Variants in SCRG1 observed in about 807,000 individuals in gnomAD.
SCRG1 encodes the protein scrapie-responsive protein 1.
In SCRG1, 3 loss-of-function variants were observed where a neutral mutation model predicts 7.7. The observed-to-expected ratio is 0.39, with a 90% CI of 0.18 to 1.01. SCRG1 has a LOEUF of 1.01. Among genes scored for constraint, SCRG1 ranks in the 50% least tolerant of loss-of-function variants. The pLI is 0.36. For missense variants in SCRG1, 110 were observed against 117.2 expected (o/e 0.94, Z 0.28); for synonymous variants, 46 against 41.2 (o/e 1.12, Z -0.44).
the SCRG1 span, among the ~76,000 whole-genome samples, chr4:173,435,032 C>T: frequency 5.9e-5 from 9 of 151,710 alleles, no homozygotes; most frequent in South Asian, 4.2e-4. Flanking sequence ...CCACCTTATG[C>T]GATCAAAGAA....
At chr4:173,483,830 TAA>T in the SCRG1 span, among the ~76,000 whole-genome samples, 9 of 90,468 alleles carry the variant, frequency 9.9e-5, 3 homozygotes, top group East Asian at 3.4e-4. Context: ...ATAATATATA[TAA>T]TATATAATAT....
rs1332149815 is a variant in SCRG1, at chr4:173,384,790, C to T, written c.*3551G>A. 6.6e-6 allele frequency: 1 copy of T among 152,150 alleles called. No individual in the cohort carries two copies. The highest frequency in any genetic ancestry group is 1.5e-5 in the Non-Finnish European group (1 of 68,018). 9.4% of individuals were successfully genotyped at this position (152,150 alleles called of 1,614,324 possible). On this transcript the variant is annotated 3_prime_UTR_variant, in exon 3 of 3. Coordinates refer to ENST00000296506, the MANE Select transcript of SCRG1 (RefSeq NM_007281.4). ...ACTTTGTGCTCAGTAACGTGGGATT[C>T]ACAGTAAGAACAATGATATAGAAAG...
chr4:173,420,950 T>TG, the SCRG1 span, among the ~76,000 whole-genome samples: 76 of 152,250 alleles, frequency 5.0e-4, no homozygotes, highest in African/African-American at 1.8e-3. Flanking sequence ...TGATAAAGCC[T>TG]GTTAATACCA....
the SCRG1 span, among the ~76,000 whole-genome samples, chr4:173,457,260 T>C: frequency 3.3e-5 from 5 of 152,314 alleles, no homozygotes; most frequent in East Asian, 9.7e-4. Flanking sequence ...TTTAGGAATC[T>C]TGTGGGAAAA....
chr4:173,414,250 T>C, the SCRG1 span, among the ~76,000 whole-genome samples: 1 of 152,244 alleles, frequency 6.6e-6, no homozygotes, highest in African/African-American at 2.4e-5. Flanking sequence ...CCCTGACATC[T>C]GTGCCTGTTT....
chr4:173,394,911 T>C (rs1739557436), intron 1 of SCRG1, among the ~76,000 whole-genome samples: 1 of 152,242 alleles, frequency 6.6e-6, no homozygotes, highest in Non-Finnish European at 1.5e-5. Flanking sequence ...TATATACACT[T>C]ATCTTTATCA....
upstream of SCRG1, among the ~76,000 whole-genome samples, chr4:173,411,127 A>G (rs191786738): frequency 6.6e-6 from 1 of 152,296 alleles, no homozygotes. Flanking sequence ...TGGCTACATG[A>G]GAGTAGAGAT....
the SCRG1 span, among the ~76,000 whole-genome samples, chr4:173,503,273 G>A: frequency 5.9e-5 from 9 of 152,310 alleles, no homozygotes; most frequent in South Asian, 1.0e-3. This position sits in a 1 kb window ranked among gnomAD's most constrained non-coding sequence, Gnocchi z 6.4. Context: ...CTTGGGATCC[G>A]GCCAGCTTCA....
the SCRG1 span, among the ~76,000 whole-genome samples, chr4:173,518,726 C>A: frequency 2.0e-5 from 3 of 152,292 alleles, no homozygotes; most frequent in African/African-American, 7.2e-5. Flanking sequence ...TCCACTTTGC[C>A]GTTCGAAAAT....
intron 1 of SCRG1, among the ~76,000 whole-genome samples, chr4:173,395,222 TTA>T (rs1220829881): frequency 1.3e-5 from 2 of 152,246 alleles, no homozygotes; most frequent in African/African-American, 4.8e-5. Context: ...TTTACTCATT[TTA>T]TGTCTGTCAT....
At chr4:173,451,106 A>C in the SCRG1 span, among the ~76,000 whole-genome samples, 1 of 152,012 alleles carries the variant, frequency 6.6e-6, no homozygotes, top group African/African-American at 2.4e-5. Flanking sequence ...AATCAGCTTT[A>C]AGCTCTCTTT....
chr4:173,509,025 G>T, the SCRG1 span, among the ~76,000 whole-genome samples: 2 of 152,208 alleles, frequency 1.3e-5, no homozygotes, highest in Non-Finnish European at 2.9e-5. This position sits in a 1 kb window ranked among gnomAD's most constrained non-coding sequence, Gnocchi z 5.7. Flanking sequence ...CCGGGTGGTG[G>T]TACGGCTGGT....
chr4:173,438,759 T>G, the SCRG1 span, among the ~76,000 whole-genome samples: 1 of 152,096 alleles, frequency 6.6e-6, no homozygotes. Context: ...CTATTGCTTT[T>G]GGGACTTAAT....
the SCRG1 span, among the ~76,000 whole-genome samples, chr4:173,477,760 TTC>T: frequency 2.1e-5 from 3 of 142,080 alleles, no homozygotes; most frequent in Admixed American, 7.0e-5. Context: ...CCTTCCTTCC[TTC>T]CTTCCTTCTT....
the SCRG1 span, among the ~76,000 whole-genome samples, chr4:173,425,207 A>T: frequency 6.6e-6 from 1 of 152,214 alleles, no homozygotes; most frequent in Non-Finnish European, 1.5e-5. Flanking sequence ...AGGGCAAAAA[A>T]GGCAGAGTTA....
the SCRG1 span, among the ~76,000 whole-genome samples, chr4:173,427,012 T>A: frequency 6.6e-6 from 1 of 152,198 alleles, no homozygotes; most frequent in Non-Finnish European, 1.5e-5. Context: ...GTCTTCCCCT[T>A]TTTTACCACC....
chr4:173,427,590 C>T, the SCRG1 span, among the ~76,000 whole-genome samples: 2 of 152,198 alleles, frequency 1.3e-5, no homozygotes, highest in East Asian at 3.9e-4. Flanking sequence ...GCACCTTTTG[C>T]TGGTCAGACA....
the SCRG1 span, among the ~76,000 whole-genome samples, chr4:173,439,664 A>T: frequency 8.1e-4 from 123 of 152,246 alleles, no homozygotes; most frequent in African/African-American, 2.7e-3. Flanking sequence ...ATTTAGATAT[A>T]TAAAAGTTTT....
the SCRG1 span, among the ~76,000 whole-genome samples, chr4:173,448,776 C>A: frequency 0.51 from 77,065 of 152,024 alleles, 22,645 homozygotes; most frequent in Non-Finnish European, 0.67. Flanking sequence ...TGCCAGGCAT[C>A]TTTTTAAATA....
Sources: gnomAD v4.1 joint callset for allele counts (sites outside exome capture counted in the v4.1 genomes callset) on GRCh38, gnomAD v4.1.1 for gene constraint, Gnocchi (gnomAD v3.1) non-coding constraint, MANE v1.5 for transcripts, NCBI Gene and HGNC (gene_info 2026-07-23, HGNC 2026-07-21) for gene names.